Variants in CFAP251 observed in about 807,000 individuals in gnomAD.
The protein encoded by CFAP251 is cilia and flagella associated protein 251.
In CFAP251, 93 loss-of-function variants were observed where a neutral mutation model predicts 126.7. That is an observed-to-expected ratio of 0.73 (90% CI 0.62 to 0.87). The LOEUF is 0.87. Ranked by LOEUF, CFAP251 falls within the 40% of genes least tolerant of loss-of-function variation. The pLI, the probability that CFAP251 is intolerant of heterozygous loss-of-function variation, is 0.00. For synonymous variants in CFAP251, 503 were observed against 506.9 expected, an observed-to-expected ratio of 0.99 and a Z score of 0.10; for missense variants, 1,287 against 1,389.2, an observed-to-expected ratio of 0.93 and a Z score of 1.17.
At chr12:121,949,433 T>C (rs1881440642) in intron 8 of CFAP251, 3 of 153,106 alleles carry the variant, frequency 2.0e-5, no homozygotes, top group African/African-American at 7.3e-5. Context: ...CTCAAGTAGC[T>C]GGGATTAGAG....
At chr12:121,983,563 A>C (rs1882677478) in intron 19 of CFAP251, among the ~76,000 whole-genome samples, 1 of 152,216 alleles carries the variant, frequency 6.6e-6, no homozygotes, top group African/African-American at 2.4e-5. Flanking sequence ...ACAAAGTAAC[A>C]AACATTGACA....
intron 3 of CFAP251, among the ~76,000 whole-genome samples, chr12:121,925,744 A>G (rs1360696622): frequency 6.6e-6 from 1 of 152,204 alleles, no homozygotes; most frequent in Non-Finnish European, 1.5e-5. Context: ...CCACTCCCCC[A>G]AGTTTTGGGT....
At chr12:121,921,766 A>G in intron 2 of CFAP251, 83 bp downstream of exon 2, 3 of 1,391,792 alleles carry the variant, frequency 2.2e-6, no homozygotes, top group Non-Finnish European at 2.9e-6. Context: ...ATGGGAACAC[A>G]AAACCAAATA....
At chr12:121,975,053 T>G (rs2135798980) in intron 17 of CFAP251, among the ~76,000 whole-genome samples, 191 bp from the exon 18 acceptor site, 1 of 152,336 alleles carries the variant, frequency 6.6e-6, no homozygotes, top group South Asian at 2.1e-4. Context: ...ACCTCTGAGT[T>G]CCACGCTTGA....
At chr12:121,932,619 A>T (rs375746395) in intron 4 of CFAP251, 1 of 152,314 alleles carries the variant, frequency 6.6e-6, no homozygotes, top group Non-Finnish European at 1.5e-5. Context: ...GGCCTGGTCA[A>T]CTGTTCCACA....
Position 121,942,563 on chromosome 12 carries a change from G to A in CFAP251, c.1028G>A (p.Cys343Tyr), listed in dbSNP as rs758412443. The A allele has an allele frequency of 1.9e-6, 3 of 1,613,900 alleles. No individual in the cohort carries two copies. The highest frequency in any genetic ancestry group is 4.5e-5 in the East Asian group (2 of 44,862). The change falls in exon 6 of 22, where the codon TGC (cysteine) becomes TAC (tyrosine). Residue 343 changes from cysteine (C) to tyrosine (Y), a missense_variant. Cys to Tyr is a radical substitution (Grantham distance 194). Coordinates refer to ENST00000288912, the MANE Select transcript of CFAP251 (RefSeq NM_144668.6). ...CCTGTGCACACAATATTTGACAGCT[G>A]CCCTGAAGGGAATGGCATCATGGCC... is the stretch of plus-strand genomic sequence containing the variant. ...GIPVHTIFDS[C>Y]PEGNGIMAMA...
intron 13 of CFAP251, among the ~76,000 whole-genome samples, chr12:121,960,260 G>A (rs1254951881): frequency 6.6e-6 from 1 of 151,478 alleles, no homozygotes; most frequent in Non-Finnish European, 1.5e-5. Flanking sequence ...GTCCTGCTCT[G>A]TTGTACAGGC....
Position 121,921,494 on chromosome 12 carries a change from G to GGAGGAGGAGAAAGAC in CFAP251, c.196_197insAGAAAGACGAGGAGG (p.Glu65_Gly66insGluLysAspGluGlu). On this transcript the variant is annotated inframe_insertion, in exon 2 of 22. Transcript: ENST00000288912. ...GGAAAACGGGCGAGGAGGAAGGGGAGGAGGAGGGGAAGGAGGACAAAAAGA... is the reference window on the plus strand; with the variant it reads ...GGAAAACGGGCGAGGAGGAAGGGGAGGAGGAGGAGAAAGACGAGGAGGGGAAGGAGGACAAAAAGA... The GGAGGAGGAGAAAGAC allele has an allele frequency of 6.2e-7, 1 of 1,613,298 alleles. No individual in the cohort carries two copies. Among genetic ancestry groups the GGAGGAGGAGAAAGAC allele is most frequent in the Admixed American group, 1.7e-5 (1 of 59,868 alleles).
intron 5 of CFAP251, among the ~76,000 whole-genome samples, chr12:121,938,547 C>T (rs1445244063): frequency 6.7e-6 from 1 of 150,234 alleles, no homozygotes; most frequent in Non-Finnish European, 1.5e-5. Context: ...TCAGGCTGGT[C>T]TCGAATTCCT....
intron 11 of CFAP251, among the ~76,000 whole-genome samples, chr12:121,957,683 G>A (rs539057604): frequency 1.9e-4 from 24 of 125,682 alleles, no homozygotes; most frequent in East Asian, 1.6e-3. Context: ...CAGCCTGGGC[G>A]ACAGAGCGAG....
intron 19 of CFAP251, among the ~76,000 whole-genome samples, chr12:121,977,001 T>C (rs1882477004): frequency 6.6e-6 from 1 of 152,264 alleles, no homozygotes; most frequent in African/African-American, 2.4e-5. Context: ...TATAATCATA[T>C]ATATAATCAT....
chr12:121,921,261 G>A, intron 1 of CFAP251, 25 bp from the exon 2 acceptor site: 3 of 1,532,882 alleles, frequency 2.0e-6, no homozygotes, highest in Non-Finnish European at 2.6e-6. Flanking sequence ...GGGCCAGCTG[G>A]TTATTATGGT....
chr12:121,975,163 C>T (rs992109827), intron 17 of CFAP251, 81 bp from the exon 18 acceptor site: 16 of 1,110,748 alleles, frequency 1.4e-5, no homozygotes, highest in Admixed American at 5.3e-5. Context: ...TTCAGAGGGC[C>T]GCAGTGCTGT....
chr12:121,972,645 T>C (rs1198482615), intron 17 of CFAP251, among the ~76,000 whole-genome samples: 1 of 152,082 alleles, frequency 6.6e-6, no homozygotes, highest in African/African-American at 2.4e-5. Context: ...TGTGCCACCA[T>C]GCCTGGCTAA....
chr12:121,960,645 G>A lies in CFAP251; in HGVS notation c.2194G>A (p.Glu732Lys). 6.2e-7 allele frequency: 1 copy of A among 1,614,206 alleles called. No individual in the cohort carries two copies. The highest frequency in any genetic ancestry group is 8.5e-7 in the Non-Finnish European group (1 of 1,180,028). The change falls in exon 14 of 22, where the codon GAG becomes AAG. Residue 732 changes from glutamate (E) to lysine (K), a missense_variant. By Grantham distance (56) the Glu-to-Lys change is moderately conservative. Transcript: ENST00000288912. The part of the protein sequence containing the change: ...LVVRNGQRVW[E>K]YLARLRSHRK... ...GGTCAGAAATGGACAGAGGGTCTGG[G>A]AGTACTTAGCAAGACTTCGCTCTCA... is the stretch of plus-strand genomic sequence containing the variant.
intron 7 of CFAP251, among the ~76,000 whole-genome samples, chr12:121,947,449 G>C (rs764607575): frequency 3.3e-5 from 5 of 151,846 alleles, no homozygotes; most frequent in Non-Finnish European, 7.4e-5. Flanking sequence ...CATTTGGATG[G>C]GTCTTTTTTC....
chr12:121,956,873 G>GC (rs959481637), intron 10 of CFAP251, among the ~76,000 whole-genome samples: 12 of 152,076 alleles, frequency 7.9e-5, no homozygotes, highest in Non-Finnish European at 1.6e-4. Context: ...GCAACACAAT[G>GC]CCCTGAGCAA....
At chr12:122,001,702 G>C in intron 21 of CFAP251, 104 bp downstream of exon 21, 1 of 848,682 alleles carries the variant, frequency 1.2e-6, no homozygotes, top group Non-Finnish European at 2.0e-6. Flanking sequence ...CTCTCCCTAA[G>C]ACTGCACATA....
chr12:121,960,353 A>G (rs1044386018), intron 13 of CFAP251, among the ~76,000 whole-genome samples: 4 of 151,708 alleles, frequency 2.6e-5, no homozygotes, highest in African/African-American at 7.3e-5. Context: ...AAGTAGCTGG[A>G]ATTATAGGCA....
Sources: allele counts gnomAD v4.1 joint callset (sites outside exome capture counted in the v4.1 genomes callset), GRCh38; gene constraint gnomAD v4.1.1; transcripts MANE v1.5; gene names NCBI Gene and HGNC (gene_info 2026-07-23, HGNC 2026-07-21).